The following ZCCHC7 variants were observed in gnomAD, a reference collection of about 807,000 sequenced individuals.
ZCCHC7 encodes the protein zinc finger CCHC-type containing 7.
A neutral mutation model predicts 52.0 loss-of-function variants in ZCCHC7; 35 were observed. The observed-to-expected ratio is 0.67, with a 90% CI of 0.51 to 0.89. The LOEUF (loss-of-function observed/expected upper bound fraction) is 0.89. Ranked by LOEUF, ZCCHC7 falls within the 40% of genes least tolerant of loss-of-function variation. The pLI, the probability that ZCCHC7 is intolerant of heterozygous loss-of-function variation, is 0.00. For missense variants in ZCCHC7, 574 were observed against 649.1 expected (o/e 0.88, Z 1.26); for synonymous variants, 217 against 221.5 (o/e 0.98, Z 0.18).
At chr9:37,120,368 G>A (rs189340349), upstream of ZCCHC7, among the ~76,000 whole-genome samples, 1 of 152,350 alleles carries the variant, frequency 6.6e-6, no homozygotes, top group East Asian at 1.9e-4. Flanking sequence ...GGAAGGGGAA[G>A]GGGGAAAGCA....
At chr9:37,249,217 G>A (rs952924654) in intron 2 of ZCCHC7, among the ~76,000 whole-genome samples, 2 of 152,090 alleles carry the variant, frequency 1.3e-5, no homozygotes, top group Non-Finnish European at 1.5e-5. Flanking sequence ...GAATTACTGG[G>A]TATGTTGGAG....
intron 2 of ZCCHC7, among the ~76,000 whole-genome samples, chr9:37,290,116 T>C (rs1828463452): frequency 6.6e-6 from 1 of 152,224 alleles, no homozygotes; most frequent in Admixed American, 6.5e-5. Flanking sequence ...TGTTTCACTT[T>C]CCCACTAGAC....
At position 37,191,076 on chromosome 9, in the gene ZCCHC7, G is replaced by A. The variant is rs1287016430; in HGVS notation, c.610+64134G>A. The stretch of plus-strand genomic sequence containing the variant: ...AGAACCCACACAAGGAAACTGTCCC[G>A]TTTCAGGGTACACCTTTTATGGGTG... On this transcript the variant is annotated intron_variant, in intron 2 of 8. Coordinates refer to ENST00000336755, the MANE Select transcript of ZCCHC7 (RefSeq NM_032226.3). 4.0e-5 allele frequency among the ~76,000 whole-genome samples: 6 copies of A among 151,698 alleles called. No individual in the cohort carries two copies. The South Asian group carries it at 6.2e-4, about 16-fold the overall frequency.
intron 2 of ZCCHC7, among the ~76,000 whole-genome samples, chr9:37,216,403 G>A (rs183816853): frequency 6.6e-6 from 1 of 152,174 alleles, no homozygotes; most frequent in East Asian, 1.9e-4. Context: ...GGCCATACGC[G>A]GTGGCTCACG....
At chr9:37,148,502 G>T (rs1843540420) in intron 2 of ZCCHC7, among the ~76,000 whole-genome samples, 1 of 152,082 alleles carries the variant, frequency 6.6e-6, no homozygotes, top group South Asian at 2.1e-4. Flanking sequence ...TTCTCCTAGG[G>T]TCCATTTGTA....
At chr9:37,236,453 G>A (rs765887042) in intron 2 of ZCCHC7, among the ~76,000 whole-genome samples, 4 of 151,206 alleles carry the variant, frequency 2.6e-5, no homozygotes, top group Admixed American at 6.6e-5. Flanking sequence ...GTGCAGTGGC[G>A]CTGTCTCGGC....
chr9:37,186,744 T>A (rs1363845195), intron 2 of ZCCHC7: 1 of 580,326 alleles, frequency 1.7e-6, no homozygotes, highest in Non-Finnish European at 3.3e-6. Context: ...ACTAACAAGA[T>A]GAATTAAAGA....
At chr9:37,191,737 G>T in intron 2 of ZCCHC7, among the ~76,000 whole-genome samples, 1 of 152,176 alleles carries the variant, frequency 6.6e-6, no homozygotes, top group East Asian at 1.9e-4. Context: ...ATCAAAACTG[G>T]GTAGGAATTT....
At chr9:37,265,263 G>A (rs937774794) in intron 2 of ZCCHC7, among the ~76,000 whole-genome samples, 2 of 152,076 alleles carry the variant, frequency 1.3e-5, no homozygotes, top group Admixed American at 1.3e-4. Context: ...GTAAGTAGAC[G>A]TTCCAGTTTA....
At chr9:37,168,390 T>G (rs1821543789) in intron 2 of ZCCHC7, among the ~76,000 whole-genome samples, 1 of 152,202 alleles carries the variant, frequency 6.6e-6, no homozygotes, top group South Asian at 2.1e-4. Flanking sequence ...AATTTGAGGT[T>G]TGACTTAATG....
intron 2 of ZCCHC7, among the ~76,000 whole-genome samples, chr9:37,156,383 A>G (rs181279300): frequency 6.5e-4 from 99 of 152,290 alleles, no homozygotes; most frequent in African/African-American, 2.1e-3. Flanking sequence ...AACTCGTTTC[A>G]TGATCTATGT....
chr9:37,316,730 G>T (rs572922244), intron 5 of ZCCHC7, among the ~76,000 whole-genome samples: 1 of 152,118 alleles, frequency 6.6e-6, no homozygotes, highest in African/African-American at 2.4e-5. Context: ...CTCTGTAATT[G>T]TAACTCTTTC....
At chr9:37,237,335 A>G (rs954858114) in intron 2 of ZCCHC7, among the ~76,000 whole-genome samples, 1 of 152,216 alleles carries the variant, frequency 6.6e-6, no homozygotes, top group Non-Finnish European at 1.5e-5. Context: ...ACAAGCGCTA[A>G]TTGAAATTAC....
chr9:37,285,931 T>G (rs1828187426), intron 2 of ZCCHC7, among the ~76,000 whole-genome samples: 1 of 152,224 alleles, frequency 6.6e-6, no homozygotes, highest in Non-Finnish European at 1.5e-5. Flanking sequence ...ACTTGGGGCA[T>G]TATTTTTGTA....
Position 37,219,301 on chromosome 9 carries a change from TTAG to T in ZCCHC7, c.611-82882_611-82880del, listed in dbSNP as rs1488880582. 2.0e-5 allele frequency among the ~76,000 whole-genome samples: 3 copies of T among 152,036 alleles called. 1 individual carries two copies. Among genetic ancestry groups the T allele is most frequent in the African/African-American group, 7.2e-5 (3 of 41,406 alleles). On this transcript the variant is annotated intron_variant, in intron 2 of 8. Transcript: ENST00000336755. ...ACATATTGTCCATTATGCAGCAGAG[TTAG>T]TAGTTGTGACAGAGACTATATGACA...
chr9:37,199,646 T>TTCTG (rs567382955), intron 2 of ZCCHC7, among the ~76,000 whole-genome samples: 26 of 143,546 alleles, frequency 1.8e-4, no homozygotes, highest in East Asian at 4.0e-4. Context: ...CTGTTTCTTT[T>TTCTG]TCTGTCTGTC....
chr9:37,141,426 A>G (rs1286073323), intron 2 of ZCCHC7, among the ~76,000 whole-genome samples: 3 of 151,818 alleles, frequency 2.0e-5, no homozygotes, highest in African/African-American at 7.2e-5. Context: ...AGCAGGGGAA[A>G]ACTAATTTTG....
At chr9:37,205,889 T>G (rs1201381817) in intron 2 of ZCCHC7, among the ~76,000 whole-genome samples, 2 of 152,028 alleles carry the variant, frequency 1.3e-5, no homozygotes, top group Non-Finnish European at 2.9e-5. Context: ...TTGGAGTTTT[T>G]TTTTTTTTCT....
chr9:37,324,680 T>C lies in ZCCHC7; in HGVS notation c.952-3119T>C, dbSNP rs539136999. Among the ~76,000 whole-genome samples the C allele has an allele frequency of 7.9e-5, 12 of 152,338 alleles. No homozygotes were observed. In the South Asian group the frequency reaches 2.3e-3, roughly 29 times the overall value. On this transcript the variant is annotated intron_variant, in intron 5 of 8. Transcript: ENST00000336755. ...TATTGGGGGTTTTTTTCTTCCCTTT[T>C]GCAAATGCTAGCATGTTAGTAAGGC...
Sources: gnomAD v4.1 joint callset for allele counts (sites outside exome capture counted in the v4.1 genomes callset) on GRCh38, gnomAD v4.1.1 for gene constraint, MANE v1.5 for transcripts, NCBI Gene and HGNC (gene_info 2026-07-23, HGNC 2026-07-21) for gene names.